B3GLCT: variants seen among roughly 807,000 people sequenced by gnomAD.
The protein encoded by B3GLCT is beta-1,3-glucosyltransferase.
Under a neutral mutation model 63.4 loss-of-function variants are expected in B3GLCT, and 65 were observed. The ratio of observed to expected loss-of-function variants is 1.03; its 90% CI spans 0.84 to 1.26. The LOEUF (loss-of-function observed/expected upper bound fraction) is 1.26, where lower values mean the gene tolerates loss of function less well. Ranked by LOEUF, B3GLCT falls within the 50% of genes most tolerant of loss-of-function variation. The pLI is 0.00. For synonymous variants in B3GLCT, 233 were observed against 219.2 expected (o/e 1.06, Z -0.55); for missense variants, 577 against 604.8 (o/e 0.95, Z 0.48).
chr13:31,202,652 C>A (rs1042614692), intron 1 of B3GLCT, among the ~76,000 whole-genome samples: 1 of 152,198 alleles, frequency 6.6e-6, no homozygotes, highest in East Asian at 1.9e-4. Context: ...AGCTAGTGCT[C>A]TACAGAGATA....
rs555024516 is a variant in B3GLCT at position 31,331,546 on chromosome 13, G to C, written c.*1878G>C. On this transcript the variant is annotated 3_prime_UTR_variant, in exon 15 of 15. Transcript: ENST00000343307. ...AAGTTTTTGATTTCTCAAATATTGTGTTCATTAGTCTAGACTGGGAATGGG... is the reference window on the plus strand; with the variant it reads ...AAGTTTTTGATTTCTCAAATATTGTCTTCATTAGTCTAGACTGGGAATGGG... The C allele has an allele frequency of 7.7e-6, 1 of 130,082 alleles. No homozygotes were observed. The highest frequency in any genetic ancestry group is 3.0e-5 in the African/African-American group (1 of 33,418). 8.1% of individuals were successfully genotyped at this position (130,082 alleles called of 1,614,324 possible). A position where few individuals can be genotyped will look rare whatever the true frequency, so the allele number is the denominator to read the frequency against.
intron 13 of B3GLCT, among the ~76,000 whole-genome samples, chr13:31,323,362 T>C (rs1875428946): frequency 1.3e-5 from 2 of 152,224 alleles, no homozygotes; most frequent in South Asian, 4.1e-4. Context: ...ACTATATGGA[T>C]GAATTTTAAA....
chr13:31,241,374 G>A (rs1566057888), intron 4 of B3GLCT, among the ~76,000 whole-genome samples: 1 of 152,222 alleles, frequency 6.6e-6, no homozygotes, highest in African/African-American at 2.4e-5. Context: ...GTCTAGTGGT[G>A]ACAGTGGAGG....
At chr13:31,214,189 T>G (rs1304019293) in intron 1 of B3GLCT, among the ~76,000 whole-genome samples, 1 of 152,220 alleles carries the variant, frequency 6.6e-6, no homozygotes, top group Non-Finnish European at 1.5e-5. Context: ...AGTACATCAC[T>G]GCCCTATGTC....
At chr13:31,202,534 T>G (rs1005487974) in intron 1 of B3GLCT, among the ~76,000 whole-genome samples, 1 of 152,138 alleles carries the variant, frequency 6.6e-6, no homozygotes, top group Non-Finnish European at 1.5e-5. Context: ...CTTGTTTTCC[T>G]AACAAAACTA....
chr13:31,329,617 C>T lies in B3GLCT; in HGVS notation c.1446C>T (p.Asp482=), dbSNP rs756603158. The T allele has an allele frequency of 1.2e-5, 20 of 1,614,042 alleles. No individual in the cohort carries two copies. Among genetic ancestry groups the T allele is most frequent in the African/African-American group, 5.3e-5 (4 of 74,898 alleles). ...KVYFTWLAPS[D]EDKARQETQK... is the part of the protein sequence containing the mutation. Reference sequence around the variant, plus strand: ...ATTTCACATGGTTGGCACCCAGTGACGAAGACAAAGCCAGGCAGGAGACAC... The same window carrying T: ...ATTTCACATGGTTGGCACCCAGTGATGAAGACAAAGCCAGGCAGGAGACAC... Residue 482 remains aspartate, a synonymous_variant, in exon 15 of 15, where the codon GAC becomes GAT. Transcript: ENST00000343307.
At chr13:31,277,683 G>T (rs1872865174) in intron 10 of B3GLCT, among the ~76,000 whole-genome samples, 1 of 151,866 alleles carries the variant, frequency 6.6e-6, no homozygotes. Flanking sequence ...TATTTTACAG[G>T]GGAAGATGTT....
At chr13:31,287,256 C>T (rs1454565990) in intron 12 of B3GLCT, among the ~76,000 whole-genome samples, 1 of 152,046 alleles carries the variant, frequency 6.6e-6, no homozygotes, top group Admixed American at 6.6e-5. Flanking sequence ...GTGAAGAGCC[C>T]CCTTATGTAT....
chr13:31,214,069 A>G (rs541116486), intron 1 of B3GLCT, among the ~76,000 whole-genome samples: 208 of 152,314 alleles, frequency 1.4e-3, no homozygotes, highest in African/African-American at 4.9e-3. Context: ...ATCCAAATGG[A>G]TGAAGTCGTC....
intron 13 of B3GLCT, 45 bp from the exon 14 acceptor site, chr13:31,323,706 C>G: frequency 6.2e-7 from 1 of 1,612,358 alleles, no homozygotes; most frequent in Non-Finnish European, 8.5e-7. Flanking sequence ...GCAGCGGTGT[C>G]TGTGGAGCTT....
rs140038230 is a variant in B3GLCT, at chr13:31,215,370, G to A, written c.120+270G>A. Among the ~76,000 whole-genome samples the A allele has an allele frequency of 1.4e-4, 22 of 152,264 alleles. No homozygotes were observed. In the East Asian group the frequency reaches 4.2e-3, roughly 29 times the overall value. On this transcript the variant is annotated intron_variant, in intron 2 of 14. Coordinates refer to ENST00000343307, the MANE Select transcript of B3GLCT (RefSeq NM_194318.4). ...TGACATAGAGTTGGACATTTTAATA[G>A]TCTTGCTTGGATACCATAGTTTTCC...
Position 31,226,348 on chromosome 13 carries a change from A to T in B3GLCT, c.161-2837A>T, listed in dbSNP as rs117859847. Among the ~76,000 whole-genome samples the T allele has an allele frequency of 1.1e-3, 165 of 152,368 alleles. 2 individuals carry two copies. In the East Asian group the frequency reaches 0.026, roughly 24 times the overall value. On this transcript the variant is annotated intron_variant, in intron 3 of 14. Transcript: ENST00000343307. ...TGCTGAATGAATGAATGAAGCGTGC[A>T]TGATTGAAGTATAGGAAAAAGGGAG...
chr13:31,290,024 C>A (rs1054713124), intron 12 of B3GLCT, among the ~76,000 whole-genome samples: 5 of 152,134 alleles, frequency 3.3e-5, no homozygotes, highest in Non-Finnish European at 7.3e-5. Context: ...CTAGCCACCC[C>A]ACCTTCCAAC....
intron 1 of B3GLCT, among the ~76,000 whole-genome samples, chr13:31,208,806 G>T (rs1322696939): frequency 6.6e-6 from 1 of 152,144 alleles, no homozygotes; most frequent in South Asian, 2.1e-4. Flanking sequence ...ACCTCAAACA[G>T]CTGTTCCTGG....
At chr13:31,238,564 T>C (rs1383994017) in intron 4 of B3GLCT, among the ~76,000 whole-genome samples, 2 of 152,246 alleles carry the variant, frequency 1.3e-5, no homozygotes, top group African/African-American at 4.8e-5. Flanking sequence ...GAATGCGTAT[T>C]CTCGTTTTTA....
intron 4 of B3GLCT, 54 bp from the exon 5 acceptor site, chr13:31,246,969 T>TTTTTTTTTTTGG: frequency 9.0e-7 from 1 of 1,105,542 alleles, no homozygotes; most frequent in Non-Finnish European, 1.3e-6. Flanking sequence ...TTTTTTTTAC[T>TTTTTTTTTTTGG]TTTTTTCGGA....
intron 12 of B3GLCT, among the ~76,000 whole-genome samples, chr13:31,301,260 G>T (rs1482811136): frequency 6.6e-6 from 1 of 152,184 alleles, no homozygotes; most frequent in Non-Finnish European, 1.5e-5. Context: ...TAAGCCCCAG[G>T]AGGTACTCTG....
rs1405560474 is a variant in B3GLCT at position 31,200,151 on chromosome 13, C to T, written c.67C>T (p.Leu23=). 6 of 1,345,488 alleles carry T rather than the reference C, an allele frequency of 4.5e-6. No homozygotes were observed. The highest frequency in any genetic ancestry group is 2.8e-5 in the Admixed American group (1 of 35,730). The allele number at this position is 1,345,488 out of a possible 1,614,324, so 83.3% of individuals were successfully genotyped here. A position where few individuals can be genotyped will look rare whatever the true frequency, so the allele number is the denominator to read the frequency against. The change falls in exon 1 of 15, where the codon CTG becomes TTG. Residue 23 remains leucine (L), a synonymous_variant. Transcript: ENST00000343307. ...GCTGCTCGCGCTCCTCACCTGCTCC[C>T]TGGGTAAGTAGCGGGCGGCCAGGCG... ...PALLALLTCS[L]AFGLASEDTK...
intron 12 of B3GLCT, among the ~76,000 whole-genome samples, chr13:31,316,416 T>TATATATATATAG: frequency 9.8e-6 from 1 of 101,682 alleles, no homozygotes; most frequent in Non-Finnish European, 2.0e-5. Context: ...TTTATATATA[T>TATATATATATAG]ATATATATAT....
Sources: gnomAD v4.1 joint callset for allele counts (sites outside exome capture counted in the v4.1 genomes callset) on GRCh38, gnomAD v4.1.1 for gene constraint, MANE v1.5 for transcripts, NCBI Gene and HGNC (gene_info 2026-07-23, HGNC 2026-07-21) for gene names.